BROX: variants seen among roughly 807,000 people sequenced by gnomAD.
The protein encoded by BROX is BRO1 domain and CAAX motif containing.
A neutral mutation model predicts 61.0 loss-of-function variants in BROX; 53 were observed. The ratio of observed to expected loss-of-function variants is 0.87; its 90% CI spans 0.70 to 1.09. The LOEUF is 1.09. BROX is among the 50% of genes least tolerant of loss of function. The pLI is 0.00. For missense variants in BROX, 489 were observed against 472.0 expected, an observed-to-expected ratio of 1.04 and a Z score of -0.33; for synonymous variants, 152 against 160.2, an observed-to-expected ratio of 0.95 and a Z score of 0.38.
At position 222,721,842 on chromosome 1, in the gene BROX, A is replaced by G. The variant is rs1281803774; in HGVS notation, c.306-577A>G. 5.9e-5 allele frequency among the ~76,000 whole-genome samples: 9 copies of G among 152,164 alleles called. No individual in the cohort carries two copies. The South Asian group carries it at 1.9e-3, about 32-fold the overall frequency. On this transcript the variant is annotated intron_variant, in intron 4 of 12. Transcript: ENST00000340934. ...CATACCTTCTGCTCCAGTCAAGCTC[A>G]TTGGGTCACTTCTACCAGAAAATTT... is the stretch of plus-strand genomic sequence containing the variant.
chr1:222,730,657 G>T (rs1248231133), intron 11 of BROX, among the ~76,000 whole-genome samples: 1 of 152,130 alleles, frequency 6.6e-6, no homozygotes, highest in African/African-American at 2.4e-5. Flanking sequence ...AATTTCAGTT[G>T]TGTAGGGCCT....
chr1:222,725,499 T>C lies in BROX; in HGVS notation c.524T>C (p.Leu175Ser). 1 of 1,613,508 alleles carries C rather than the reference T, an allele frequency of 6.2e-7. No homozygotes were observed. Among genetic ancestry groups the C allele is most frequent in the Non-Finnish European group, 8.5e-7 (1 of 1,179,772 alleles). ...ACACCTGCGGAAAAAGGAAGAGATT[T>C]AGAGTCACGACTCATAGAAGCATAC... ...LITPAEKGRD[L>S]ESRLIEAYVI... Residue 175 changes from leucine (L) to serine (S), a missense_variant, in exon 7 of 13, where the codon TTA becomes TCA. Physicochemically the swap from Leu to Ser is moderately radical, Grantham distance 145. Transcript: ENST00000340934.
chr1:222,729,190 A>G (rs996346751), intron 9 of BROX, among the ~76,000 whole-genome samples: 2 of 152,220 alleles, frequency 1.3e-5, no homozygotes, highest in Admixed American at 6.5e-5. Flanking sequence ...AAGAACCATC[A>G]ATAAACATCA....
At chr1:222,726,007 A>G (rs767001122) in intron 7 of BROX, among the ~76,000 whole-genome samples, 67 of 152,202 alleles carry the variant, frequency 4.4e-4, no homozygotes, top group Non-Finnish European at 5.7e-4. Context: ...TACCTTTAGC[A>G]TTTGCCTTCA....
chr1:222,722,788 G>A (rs531938232), intron 5 of BROX, among the ~76,000 whole-genome samples: 57 of 152,228 alleles, frequency 3.7e-4, no homozygotes, highest in Admixed American at 1.9e-3. Context: ...TCAAAGGACC[G>A]TAAACAAAGT....
At chr1:222,728,231 A>G (rs1161893816) in intron 8 of BROX, among the ~76,000 whole-genome samples, 1 of 152,174 alleles carries the variant, frequency 6.6e-6, no homozygotes, top group Non-Finnish European at 1.5e-5. Context: ...TATGAAGGAA[A>G]TGATGAAAGC....
In BROX at chr1:222,728,783, A is replaced by G. The variant is rs1400919878; in HGVS notation, c.711A>G (p.Lys237=). Residue 237 remains lysine (K), a synonymous_variant, in exon 9 of 13, where the codon AAA becomes AAG. Transcript: ENST00000340934. The part of the protein sequence containing the change: ...LSSLEPAYSA[K]WRKYLHLKMC... ...GTTTGGAGCCTGCATATTCTGCCAA[A>G]TGGAGAAAATATCTTCACTTGAAGA... is the stretch of plus-strand genomic sequence containing the variant. The G allele has an allele frequency of 3.1e-6, 5 of 1,603,548 alleles. No homozygotes were observed. The South Asian group carries it at 5.5e-5, about 18-fold the overall frequency.
intron 2 of BROX, among the ~76,000 whole-genome samples, chr1:222,718,562 C>G (rs1656811857): frequency 6.6e-6 from 1 of 151,964 alleles, no homozygotes; most frequent in Non-Finnish European, 1.5e-5. Context: ...TCTTCTTTCC[C>G]CACATCTTAA....
chr1:222,715,332 A>C (rs1182630923), intron 1 of BROX: 1 of 153,092 alleles, frequency 6.5e-6, no homozygotes, highest in African/African-American at 2.4e-5. Context: ...TTAACATTGA[A>C]GTTATTGTGG....
chr1:222,731,578 A>G, intron 12 of BROX, 62 bp downstream of exon 12: 1 of 1,510,102 alleles, frequency 6.6e-7, no homozygotes, highest in East Asian at 2.3e-5. Flanking sequence ...ATTCAGAGTT[A>G]GCATTTTGAT....
chr1:222,724,193 T>G (rs1200293567), intron 6 of BROX, 29 bp downstream of exon 6: 1 of 1,529,768 alleles, frequency 6.5e-7, no homozygotes. Context: ...AACCATTATT[T>G]GTTCTTAATG....
At chr1:222,731,543 C>G (rs1192043889) in intron 12 of BROX, 27 bp downstream of exon 12, 3 of 1,563,830 alleles carry the variant, frequency 1.9e-6, no homozygotes, top group South Asian at 2.4e-5. Context: ...TTTTTTCCCT[C>G]TCATTCACAA....
chr1:222,715,591 T>C, intron 1 of BROX, 93 bp from the exon 2 acceptor site: 6 of 529,812 alleles, frequency 1.1e-5, no homozygotes, highest in Non-Finnish European at 1.8e-5. Flanking sequence ...AATTAAATTT[T>C]TATACTATTG....
intron 7 of BROX, among the ~76,000 whole-genome samples, chr1:222,725,990 A>T (rs1007712790): frequency 1.3e-5 from 2 of 152,224 alleles, no homozygotes; most frequent in African/African-American, 4.8e-5. Flanking sequence ...AGAATGAGGA[A>T]TAAGTTTACC....
In BROX at chr1:222,727,202, T is replaced by C; in HGVS notation, c.615T>C (p.Ala205=). Residue 205 remains alanine (A), a synonymous_variant, in exon 8 of 13, where the codon GCT becomes GCC. Transcript: ENST00000340934. ...CTCGAGCAATTGAACTAAAACATGC[T>C]CCTGGACTAATTGCTGCACTGGCGT... ...TIARAIELKH[A]PGLIAALAYE... The C allele has an allele frequency of 1.9e-6, 3 of 1,613,776 alleles. No homozygotes were observed. The highest frequency in any genetic ancestry group is 2.5e-6 in the Non-Finnish European group (3 of 1,179,824).
chr1:222,725,883 C>T, intron 7 of BROX, among the ~76,000 whole-genome samples: 1 of 152,078 alleles, frequency 6.6e-6, no homozygotes, highest in East Asian at 1.9e-4. Context: ...TGCACTTCAC[C>T]CTGAGCAACA....
chr1:222,715,908 A>G, intron 2 of BROX, 108 bp downstream of exon 2: 3 of 628,862 alleles, frequency 4.8e-6, no homozygotes, highest in Non-Finnish European at 8.2e-6. Context: ...AAATTTATAA[A>G]TGACATTTAA....
rs998767144 is a variant in BROX, at chr1:222,733,033, G to A, written c.*319G>A. ...GGTCAGTATAGGCCCGAATCATGTG[G>A]TTTCAGGTATGTTTTTCTTTTTTCT... On this transcript the variant is annotated 3_prime_UTR_variant, in exon 13 of 13. Coordinates refer to ENST00000340934, the MANE Select transcript of BROX (RefSeq NM_144695.4). The A allele has an allele frequency of 5.3e-4, 100 of 190,244 alleles. No individual in the cohort carries two copies. The highest frequency in any genetic ancestry group is 2.3e-3 in the African/African-American group (93 of 40,222). 11.8% of individuals were successfully genotyped at this position (190,244 alleles called of 1,614,324 possible). A position where few individuals can be genotyped will look rare whatever the true frequency, so the allele number is the denominator to read the frequency against.
intron 7 of BROX, among the ~76,000 whole-genome samples, chr1:222,726,689 C>T (rs1352921518): frequency 6.6e-6 from 1 of 150,382 alleles, no homozygotes; most frequent in African/African-American, 2.5e-5. Flanking sequence ...TGCACTCTAG[C>T]GTGGTCAACA....
Sources: allele counts gnomAD v4.1 joint callset (sites outside exome capture counted in the v4.1 genomes callset), GRCh38; gene constraint gnomAD v4.1.1; transcripts MANE v1.5; gene names NCBI Gene and HGNC (gene_info 2026-07-23, HGNC 2026-07-21).